The following INA variants were observed in gnomAD, a reference collection of about 807,000 sequenced individuals.
The protein encoded by INA is alpha-internexin.
INA carries 35 observed loss-of-function variants against 40.1 expected under a neutral mutation model. The observed-to-expected ratio is 0.87, with a 90% CI of 0.67 to 1.16. The LOEUF (loss-of-function observed/expected upper bound fraction) is 1.16. Among genes scored for constraint, INA ranks in the 50% most tolerant of loss-of-function variants. INA has a pLI of 0.00. For missense variants in INA, 594 were observed against 686.7 expected (o/e 0.87, Z 1.51); for synonymous variants, 290 against 316.9 (o/e 0.92, Z 0.90).
At chr10:103,281,147 A>C (rs1248352603) in intron 1 of INA, among the ~76,000 whole-genome samples, 2 of 152,350 alleles carry the variant, frequency 1.3e-5, no homozygotes, top group African/African-American at 4.8e-5. Context: ...ATATAAATCC[A>C]TAGCTTGATA....
At chr10:103,280,659 T>G (rs760960853) in intron 1 of INA, 32 of 985,470 alleles carry the variant, frequency 3.2e-5, no homozygotes, top group Non-Finnish European at 3.9e-5. Flanking sequence ...AGAGAAAGCT[T>G]CTTACACTTT....
rs556933894 is a variant in INA at position 103,280,965 on chromosome 10, T to C, written c.1065+2689T>C. 1.3e-5 allele frequency: 13 copies of C among 980,208 alleles called. No homozygotes were observed. In the African/African-American group the frequency reaches 1.9e-4, roughly 14 times the overall value. The allele number at this position is 980,208 out of a possible 1,614,324, so 60.7% of individuals were successfully genotyped here. A position where few individuals can be genotyped will look rare whatever the true frequency, so the allele number is the denominator to read the frequency against. On this transcript the variant is annotated intron_variant, in intron 1 of 2. Coordinates refer to ENST00000369849, the MANE Select transcript of INA (RefSeq NM_032727.4). ...CTCTACTGTGGTCAGTCTTGGAAAGTTGAAGCTTTCCTTGAAAGACCTTGC... is the reference window on the plus strand; with the variant it reads ...CTCTACTGTGGTCAGTCTTGGAAAGCTGAAGCTTTCCTTGAAAGACCTTGC...
intron 1 of INA, among the ~76,000 whole-genome samples, chr10:103,281,766 C>T (rs1398028484): frequency 6.6e-6 from 1 of 152,220 alleles, no homozygotes; most frequent in Non-Finnish European, 1.5e-5. Flanking sequence ...CGTTCTTCTT[C>T]ACCACTGCAG....
At chr10:103,288,308 G>C (rs534743107) in intron 2 of INA, 52 bp from the exon 3 acceptor site, 6 of 1,472,696 alleles carry the variant, frequency 4.1e-6, no homozygotes, top group East Asian at 4.5e-5. Context: ...GTTGAGTTCT[G>C]GGGGGGAAAA....
Position 103,277,810 on chromosome 10 carries a change from A to G in INA, c.599A>G (p.Gln200Arg). ...EGAERALKAQ[Q>R]RDVDGATLAR... is the part of the protein sequence containing the mutation. ...GCCGAGCGCGCCCTGAAGGCGCAGC[A>G]GCGCGACGTGGACGGCGCCACGCTG... The change falls in exon 1 of 3, where the codon CAG becomes CGG. Residue 200 changes from glutamine (Q) to arginine (R), a missense_variant. By Grantham distance (43) the Gln-to-Arg change is conservative (BLOSUM62 1). Coordinates refer to ENST00000369849, the MANE Select transcript of INA (RefSeq NM_032727.4). This position sits in a 1 kb window ranked among gnomAD's most constrained non-coding sequence, Gnocchi z 5.6. The G allele has an allele frequency of 6.5e-7, 1 of 1,535,970 alleles. No homozygotes were observed. The highest frequency in any genetic ancestry group is 8.7e-7 in the Non-Finnish European group (1 of 1,144,896).
intron 1 of INA, chr10:103,280,508 G>A (rs1163750650): frequency 1.0e-6 from 1 of 985,276 alleles, no homozygotes; most frequent in African/African-American, 1.7e-5. Flanking sequence ...GCAGTAATGG[G>A]AGGCTGTTCT....
At chr10:103,288,109 T>C (rs1400563399) in intron 2 of INA, among the ~76,000 whole-genome samples, 2 of 152,216 alleles carry the variant, frequency 1.3e-5, no homozygotes, top group Non-Finnish European at 2.9e-5. Flanking sequence ...AATATATTTG[T>C]GAACAGGATA....
In INA at chr10:103,288,584, A is replaced by C; in HGVS notation, c.1415A>C (p.Glu472Ala). Reference protein sequence around the residue: ...KTSQIGESFEEILEETVISTK... With the variant: ...KTSQIGESFEAILEETVISTK... ...TCCCAGATAGGGGAAAGTTTTGAAG[A>C]AATATTAGAGGAGACAGTAATATCT... Residue 472 changes from glutamate to alanine, a missense_variant, in exon 3 of 3, where the codon GAA (glutamate) becomes GCA (alanine). By Grantham distance (107) the Glu-to-Ala change is moderately radical. Around this residue, in one of 2 missense-constraint regions of INA, gnomAD observed 379 missense variants for 496.1 expected, o/e 0.76. Transcript: ENST00000369849. 6.2e-7 allele frequency: 1 copy of C among 1,613,498 alleles called. No homozygotes were observed. Among genetic ancestry groups the C allele is most frequent in the South Asian group, 1.1e-5 (1 of 91,046 alleles).
Position 103,277,398 on chromosome 10 carries a change from G to A in INA, c.187G>A (p.Gly63Ser). 3.8e-6 allele frequency: 6 copies of A among 1,558,990 alleles called. No homozygotes were observed. The highest frequency in any genetic ancestry group is 4.3e-6 in the Non-Finnish European group (5 of 1,159,276). Residue 63 changes from glycine to serine, a missense_variant, in exon 1 of 3, where the codon GGC becomes AGC. By Grantham distance (56) the Gly-to-Ser change is moderately conservative (BLOSUM62 0). This residue lies in a region of INA where 215 missense variants were observed against 190.6 expected (regional missense o/e 1.13). Transcript: ENST00000369849. This position sits in a 1 kb window ranked among gnomAD's most constrained non-coding sequence, Gnocchi z 5.6. ...ACSSASSLGL[G>S]LAYRRPPASD... Reference sequence around the variant, plus strand: ...CTCCTCGGCCTCGTCGCTCGGCCTCGGCCTGGCCTATCGCCGGCCGCCGGC... The same window carrying A: ...CTCCTCGGCCTCGTCGCTCGGCCTCAGCCTGGCCTATCGCCGGCCGCCGGC...
rs1265908912 is a variant in INA, at chr10:103,286,933, A to G, written c.1066-102A>G. The G allele has an allele frequency of 4.9e-6, 6 of 1,228,978 alleles. No individual in the cohort carries two copies. The African/African-American group carries it at 6.0e-5, about 12-fold the overall frequency. 76.1% of individuals were successfully genotyped at this position (1,228,978 alleles called of 1,614,324 possible). A position where few individuals can be genotyped will look rare whatever the true frequency, so the allele number is the denominator to read the frequency against. ...TATAAGCAAGTTATAAGTTCATTAG[A>G]TGATTTTAATGTGTAGTCAGGGCTG... is the stretch of plus-strand genomic sequence containing the variant. On this transcript the variant is annotated intron_variant, in intron 1 of 2. Coordinates refer to ENST00000369849, the MANE Select transcript of INA (RefSeq NM_032727.4).
At chr10:103,287,282 C>T in intron 2 of INA, 123 bp downstream of exon 2, 1 of 1,036,934 alleles carries the variant, frequency 9.6e-7, no homozygotes, top group Non-Finnish European at 1.4e-6. Flanking sequence ...CATCACTGGC[C>T]CCTTTCAGGT....
At chr10:103,288,271 C>T in intron 2 of INA, 89 bp from the exon 3 acceptor site, 1 of 1,144,040 alleles carries the variant, frequency 8.7e-7, no homozygotes, top group Non-Finnish European at 1.2e-6. Flanking sequence ...CCTTTGGAAT[C>T]TCTCTCAAAT....
Position 103,277,746 on chromosome 10 carries a change from C to CG in INA, c.538dup (p.Ala180GlyfsTer79). ...GCTGGCGGAGGAGGTGCAGCGGCTG[C>CG]GGGCGCGCTGCGAGGAGGAGAGCCG... On this transcript the variant is annotated frameshift_variant, in exon 1 of 3. Coordinates refer to ENST00000369849, the MANE Select transcript of INA (RefSeq NM_032727.4). LOFTEE classifies it high-confidence loss of function. The surrounding 1 kb of genome is among the most constrained non-coding windows in gnomAD (Gnocchi z 5.6). 1.4e-6 allele frequency: 2 copies of CG among 1,421,690 alleles called. No homozygotes were observed. Among genetic ancestry groups the CG allele is most frequent in the South Asian group, 3.1e-5 (2 of 65,194 alleles). The allele number at this position is 1,421,690 out of a possible 1,614,324, so 88.1% of individuals were successfully genotyped here.
chr10:103,279,094 G>A (rs557844003), intron 1 of INA, among the ~76,000 whole-genome samples: 1 of 152,094 alleles, frequency 6.6e-6, no homozygotes. Flanking sequence ...GAATCTCTAG[G>A]CAATTAACTG....
At chr10:103,280,628 T>C (rs1425569223) in intron 1 of INA, 10 of 985,460 alleles carry the variant, frequency 1.0e-5, no homozygotes, top group Admixed American at 6.1e-5. Context: ...CTGCCCCAGA[T>C]AGCTGATAGC....
intron 2 of INA, 75 bp downstream of exon 2, chr10:103,287,234 T>A: frequency 6.7e-7 from 1 of 1,500,652 alleles, no homozygotes; most frequent in Non-Finnish European, 9.0e-7. Context: ...GTGGATCTAG[T>A]CTCTCTGGCT....
chr10:103,277,642 A>AGCGCGAGCT lies in INA; in HGVS notation c.438_446dup (p.Glu146_Arg148dup). The stretch of plus-strand genomic sequence containing the variant: ...CCGTCGCGCGTCGGCGAGCTCTTCC[A>AGCGCGAGCT]GCGCGAGCTGCGCGACCTGCGCGCG... On this transcript the variant is annotated inframe_insertion, in exon 1 of 3. Coordinates refer to ENST00000369849, the MANE Select transcript of INA (RefSeq NM_032727.4). The surrounding 1 kb of genome is among the most constrained non-coding windows in gnomAD (Gnocchi z 5.6). The AGCGCGAGCT allele has an allele frequency of 1.4e-6, 2 of 1,420,920 alleles. No homozygotes were observed. The highest frequency in any genetic ancestry group is 1.5e-5 in the South Asian group (1 of 68,570). The allele number at this position is 1,420,920 out of a possible 1,614,324, so 88.0% of individuals were successfully genotyped here.
chr10:103,289,973 G>A lies in INA; in HGVS notation c.*1304G>A, dbSNP rs942171132. ...GAAGAGACACTCAGACCAGAGAAGGGGTGTGCATGCGCCTACTCGCTTGCT... is the reference window on the plus strand; with the variant it reads ...GAAGAGACACTCAGACCAGAGAAGGAGTGTGCATGCGCCTACTCGCTTGCT... On this transcript the variant is annotated 3_prime_UTR_variant, in exon 3 of 3. Coordinates refer to ENST00000369849, the MANE Select transcript of INA (RefSeq NM_032727.4). The A allele has an allele frequency of 6.6e-6, 1 of 152,670 alleles. No individual in the cohort carries two copies. The highest frequency in any genetic ancestry group is 1.5e-5 in the Non-Finnish European group (1 of 68,068). 9.5% of individuals were successfully genotyped at this position (152,670 alleles called of 1,614,324 possible).
At chr10:103,280,201 C>T (rs902945238) in intron 1 of INA, 1 of 985,296 alleles carries the variant, frequency 1.0e-6, no homozygotes, top group African/African-American at 1.7e-5. Context: ...GAAACTGCAG[C>T]ATCTGCAGCT....
Sources: allele counts gnomAD v4.1 joint callset (sites outside exome capture counted in the v4.1 genomes callset), GRCh38; gene constraint gnomAD v4.1.1; regional missense constraint gnomAD v4.1.1; non-coding constraint Gnocchi (gnomAD v3.1); transcripts MANE v1.5; gene names NCBI Gene and HGNC (gene_info 2026-07-23, HGNC 2026-07-21).